SMYD3: variants seen among roughly 807,000 people sequenced by gnomAD.
SMYD3 encodes the protein SET and MYND domain containing 3.
SMYD3 carries 36 observed loss-of-function variants against 57.7 expected under a neutral mutation model. That is an observed-to-expected ratio of 0.62 (90% CI 0.48 to 0.82). SMYD3 has a LOEUF of 0.82. SMYD3 is among the 40% of genes least tolerant of loss of function. SMYD3 has a pLI of 0.00. For synonymous variants in SMYD3, 211 were observed against 195.0 expected, an observed-to-expected ratio of 1.08 and a Z score of -0.68; for missense variants, 515 against 538.8, an observed-to-expected ratio of 0.96 and a Z score of 0.44.
intron 5 of SMYD3, among the ~76,000 whole-genome samples, chr1:246,234,386 T>C (rs1344700836): frequency 1.3e-5 from 2 of 152,242 alleles, no homozygotes; most frequent in Non-Finnish European, 2.9e-5. Context: ...GTGATGAACA[T>C]ATACCACACA....
intron 5 of SMYD3, among the ~76,000 whole-genome samples, chr1:246,268,173 G>A (rs1333494827): frequency 6.6e-6 from 1 of 152,114 alleles, no homozygotes; most frequent in African/African-American, 2.4e-5. Context: ...TGAGATGGGA[G>A]GTCGGCACAA....
At chr1:245,764,772 A>G (rs1342165944) in intron 10 of SMYD3, among the ~76,000 whole-genome samples, 1 of 152,076 alleles carries the variant, frequency 6.6e-6, no homozygotes, top group Non-Finnish European at 1.5e-5. Flanking sequence ...GACATGCAGG[A>G]GGAACTCAAT....
Position 246,047,005 on chromosome 1 carries a change from C to A in SMYD3, c.532-117068G>T, listed in dbSNP as rs1343382655. On this transcript the variant is annotated intron_variant, in intron 5 of 11. Transcript: ENST00000490107. ...AATATTATTGAAAGATATAAAATAC[C>A]ATATGAACAAAAAGATAAACATATG... is the stretch of plus-strand genomic sequence containing the variant. 1.3e-5 allele frequency among the ~76,000 whole-genome samples: 2 copies of A among 151,862 alleles called. 1 individual carries two copies. Among genetic ancestry groups the A allele is most frequent in the South Asian group, 4.1e-4 (2 of 4,824 alleles).
chr1:245,800,592 G>A (rs986982736), intron 10 of SMYD3, among the ~76,000 whole-genome samples: 3 of 152,252 alleles, frequency 2.0e-5, no homozygotes, highest in Admixed American at 2.0e-4. Context: ...ATGTCCCTAC[G>A]TAAATAAGCC....
In SMYD3 at chr1:246,376,589, T is replaced by TAAAAAA. The variant is rs55996523; in HGVS notation, c.165-21501_165-21496dup. 1.6e-3 allele frequency among the ~76,000 whole-genome samples: 140 copies of TAAAAAA among 85,138 alleles called. 1 individual carries two copies. Among genetic ancestry groups the TAAAAAA allele is most frequent in the Admixed American group, 0.013 (94 of 7,254 alleles). The allele number at this position is 85,138 out of a possible 152,430, so 55.9% of individuals were successfully genotyped here. A position where few individuals can be genotyped will look rare whatever the true frequency, so the allele number is the denominator to read the frequency against. On this transcript the variant is annotated intron_variant, in intron 1 of 11. Transcript: ENST00000490107. ...CTGGGCAACAGTGCGACACTCCATCTAAAAAAAAAAAAAAAAAAAAACTAA... is the reference window on the plus strand; with the variant it reads ...CTGGGCAACAGTGCGACACTCCATCTAAAAAAAAAAAAAAAAAAAAAAAAAAACTAA...
intron 5 of SMYD3, among the ~76,000 whole-genome samples, chr1:246,006,794 G>A (rs2059179690): frequency 6.6e-6 from 1 of 152,102 alleles, no homozygotes; most frequent in Admixed American, 6.5e-5. Context: ...TATATTAACT[G>A]TGCTTAACGT....
At chr1:246,505,640 C>T (rs535493021) in intron 1 of SMYD3, among the ~76,000 whole-genome samples, 3 of 147,884 alleles carry the variant, frequency 2.0e-5, no homozygotes, top group South Asian at 4.3e-4. Flanking sequence ...AAAACTCTTT[C>T]ATTAAATTCC....
At chr1:246,478,144 A>T (rs2068051906) in intron 1 of SMYD3, among the ~76,000 whole-genome samples, 1 of 152,256 alleles carries the variant, frequency 6.6e-6, no homozygotes, top group African/African-American at 2.4e-5. Context: ...GACACGATCA[A>T]GACTAAAGAC....
At chr1:245,833,904 C>T (rs777024516) in intron 10 of SMYD3, among the ~76,000 whole-genome samples, 5 of 152,230 alleles carry the variant, frequency 3.3e-5, no homozygotes, top group African/African-American at 4.8e-5. Context: ...TGCCCATCCC[C>T]GCTTCTGACA....
chr1:245,960,947 C>T (rs1244574574), intron 5 of SMYD3, among the ~76,000 whole-genome samples: 4 of 152,148 alleles, frequency 2.6e-5, no homozygotes, highest in African/African-American at 2.4e-5. Context: ...GGCCAAAGGT[C>T]TCTTGTATAT....
At chr1:246,323,053 C>G (rs1234765416) in intron 5 of SMYD3, among the ~76,000 whole-genome samples, 1 of 152,306 alleles carries the variant, frequency 6.6e-6, no homozygotes, top group South Asian at 2.1e-4. Flanking sequence ...CACTGTATAT[C>G]ACTGTTTCCC....
At chr1:245,853,641 C>T (rs2051090622) in intron 10 of SMYD3, among the ~76,000 whole-genome samples, 2 of 152,156 alleles carry the variant, frequency 1.3e-5, no homozygotes, top group South Asian at 4.1e-4. Flanking sequence ...TCAGAAAAGC[C>T]TGCTTGAAAA....
chr1:245,963,325 C>A (rs1024753370), intron 5 of SMYD3, among the ~76,000 whole-genome samples: 66 of 152,232 alleles, frequency 4.3e-4, no homozygotes, highest in African/African-American at 1.6e-3. Flanking sequence ...GGTCACAGGG[C>A]AAGCTGCTGC....
intron 1 of SMYD3, among the ~76,000 whole-genome samples, chr1:246,473,125 G>C (rs975126540): frequency 1.7e-4 from 26 of 152,096 alleles, no homozygotes; most frequent in Non-Finnish European, 2.9e-4. Context: ...CCAAAGTGCT[G>C]GGATTACAGG....
chr1:246,120,025 G>C (rs1003895316), intron 5 of SMYD3, among the ~76,000 whole-genome samples: 1 of 152,174 alleles, frequency 6.6e-6, no homozygotes, highest in African/African-American at 2.4e-5. Flanking sequence ...TTTATGCTTA[G>C]GTCTGACGAA....
At chr1:245,901,523 T>G (rs2054180020) in intron 8 of SMYD3, among the ~76,000 whole-genome samples, 1 of 152,142 alleles carries the variant, frequency 6.6e-6, no homozygotes, top group South Asian at 2.1e-4. Flanking sequence ...AGAGTAAAAG[T>G]TGTTACATAA....
chr1:246,331,964 C>T (rs184770653), intron 3 of SMYD3, among the ~76,000 whole-genome samples: 32 of 42,508 alleles, frequency 7.5e-4, no homozygotes, highest in Admixed American at 3.7e-3. Flanking sequence ...CTCACTGCTC[C>T]GCCGACCGGC....
chr1:245,946,701 G>GTA (rs1195596836), intron 5 of SMYD3, among the ~76,000 whole-genome samples: 1 of 152,174 alleles, frequency 6.6e-6, no homozygotes, highest in East Asian at 1.9e-4. Context: ...ACACAGTGTT[G>GTA]TACACTAGAC....
At chr1:245,977,049 G>A (rs61839404) in intron 5 of SMYD3, among the ~76,000 whole-genome samples, 1,277 of 9,928 alleles carry the variant, frequency 0.13, 373 homozygotes, top group Middle Eastern at 0.25. Context: ...CATCGTCTCC[G>A]GCCCAGGGAA....
Sources: allele counts gnomAD v4.1 joint callset (sites outside exome capture counted in the v4.1 genomes callset), GRCh38; gene constraint gnomAD v4.1.1; transcripts MANE v1.5; gene names NCBI Gene and HGNC (gene_info 2026-07-23, HGNC 2026-07-21).